Variants in TCF12 observed in about 807,000 individuals in gnomAD.
TCF12 encodes transcription factor 12.
TCF12 carries 45 observed loss-of-function variants against 86.0 expected under a neutral mutation model. The ratio of observed to expected loss-of-function variants is 0.52; its 90% CI spans 0.41 to 0.67. The LOEUF (loss-of-function observed/expected upper bound fraction) is 0.67, where lower values mean the gene tolerates loss of function less well. Ranked by LOEUF, TCF12 falls within the 30% of genes least tolerant of loss-of-function variation. The pLI is 0.00. For synonymous variants in TCF12, 330 were observed against 299.6 expected (o/e 1.10, Z -1.05); for missense variants, 881 against 859.9 (o/e 1.02, Z -0.31).
chr15:57,210,399 C>A (rs1384730682), intron 8 of TCF12, among the ~76,000 whole-genome samples: 1 of 151,584 alleles, frequency 6.6e-6, no homozygotes, highest in Non-Finnish European at 1.5e-5. Context: ...ATCTAACATG[C>A]TTAAACTTTG....
At chr15:57,019,144 G>A (rs1399389419) in intron 3 of TCF12, among the ~76,000 whole-genome samples, 1 of 152,198 alleles carries the variant, frequency 6.6e-6, no homozygotes, top group Non-Finnish European at 1.5e-5. Flanking sequence ...TAATACTTTG[G>A]TAGCCAGCAC....
intron 18 of TCF12, among the ~76,000 whole-genome samples, chr15:57,267,421 A>C (rs1440993591): frequency 6.6e-6 from 1 of 152,226 alleles, no homozygotes; most frequent in African/African-American, 2.4e-5. Context: ...CACTCTTTGG[A>C]GGCATCTTAA....
At chr15:57,034,688 G>A (rs2066397534) in intron 3 of TCF12, among the ~76,000 whole-genome samples, 1 of 152,008 alleles carries the variant, frequency 6.6e-6, no homozygotes, top group East Asian at 1.9e-4. Context: ...TTTAATAGTG[G>A]TATTGTCTCT....
chr15:56,990,151 C>CTTTTTTTTTTTTTTTT (rs372235874), intron 3 of TCF12, among the ~76,000 whole-genome samples: 9 of 92,716 alleles, frequency 9.7e-5, no homozygotes, highest in Non-Finnish European at 1.5e-4. Context: ...ATAGTCTTGT[C>CTTTTTTTTTTTTTTTT]TTTTTTTTTT....
intron 3 of TCF12, among the ~76,000 whole-genome samples, chr15:56,941,922 G>A (rs1172679305): frequency 1.3e-5 from 2 of 152,132 alleles, no homozygotes; most frequent in Admixed American, 6.5e-5. Context: ...TTAACTGAAG[G>A]CCACCTGATC....
intron 3 of TCF12, among the ~76,000 whole-genome samples, chr15:56,955,160 A>G (rs1240602760): frequency 6.6e-6 from 1 of 152,242 alleles, no homozygotes; most frequent in Non-Finnish European, 1.5e-5. Context: ...CCAGATGTCC[A>G]TCAATGATAG....
chr15:57,291,034 G>A (rs1488232436), downstream of TCF12: 1 of 152,206 alleles, frequency 6.6e-6, no homozygotes, highest in African/African-American at 2.4e-5. Context: ...TTGTCTGGAA[G>A]AATGAATCCC....
chr15:56,963,764 C>T (rs1008303339), intron 3 of TCF12, among the ~76,000 whole-genome samples: 1 of 151,852 alleles, frequency 6.6e-6, no homozygotes, highest in African/African-American at 2.4e-5. Context: ...TATTTGATAC[C>T]CTGTGTTATA....
intron 6 of TCF12, among the ~76,000 whole-genome samples, chr15:57,191,195 G>T (rs1219038973): frequency 6.6e-6 from 1 of 152,210 alleles, no homozygotes; most frequent in Non-Finnish European, 1.5e-5. Flanking sequence ...CAGCTGCAGT[G>T]GCTCACACCA....
chr15:56,990,758 G>A (rs566741947), intron 3 of TCF12, among the ~76,000 whole-genome samples: 20 of 151,274 alleles, frequency 1.3e-4, no homozygotes, highest in Admixed American at 1.1e-3. Flanking sequence ...GAACACCTAC[G>A]TTAAAATTTC....
chr15:57,160,215 C>G (rs1196349528), intron 5 of TCF12, among the ~76,000 whole-genome samples: 3 of 152,190 alleles, frequency 2.0e-5, no homozygotes, highest in African/African-American at 7.2e-5. Flanking sequence ...GTTTAATTGA[C>G]TCACAGTTCA....
intron 3 of TCF12, among the ~76,000 whole-genome samples, chr15:56,946,177 CTT>C (rs1207421406): frequency 3.3e-5 from 5 of 152,160 alleles, no homozygotes; most frequent in African/African-American, 1.2e-4. Flanking sequence ...GCTGCTCTAT[CTT>C]TAAATATTTT....
chr15:56,994,168 T>C (rs1441838578), intron 3 of TCF12, among the ~76,000 whole-genome samples: 2 of 152,030 alleles, frequency 1.3e-5, no homozygotes, highest in African/African-American at 4.8e-5. Flanking sequence ...TGAAGATAAA[T>C]CAATAGAAAT....
chr15:57,128,594 T>C (rs1160644449), intron 5 of TCF12, among the ~76,000 whole-genome samples: 1 of 152,050 alleles, frequency 6.6e-6, no homozygotes, highest in Non-Finnish European at 1.5e-5. Context: ...AATTCAAGGG[T>C]TTTTAGTATA....
intron 8 of TCF12, 66 bp downstream of exon 8, chr15:57,197,891 G>C (rs1260022906): frequency 2.5e-5 from 38 of 1,520,342 alleles, no homozygotes; most frequent in Non-Finnish European, 2.8e-5. Context: ...GTATTACCTT[G>C]CTACAAGGGT....
At chr15:57,233,162 G>GTA (rs1198000506) in intron 11 of TCF12, among the ~76,000 whole-genome samples, 1 of 150,834 alleles carries the variant, frequency 6.6e-6, no homozygotes, top group Non-Finnish European at 1.5e-5. Context: ...ATATGTGTGT[G>GTA]TATATATATG....
intron 3 of TCF12, among the ~76,000 whole-genome samples, chr15:56,988,377 G>A (rs751632495): frequency 6.6e-6 from 1 of 152,108 alleles, no homozygotes; most frequent in Non-Finnish European, 1.5e-5. Flanking sequence ...ACAGAATACT[G>A]CAGACATTTG....
At position 56,976,480 on chromosome 15, in the gene TCF12, G is replaced by A. The variant is rs113530607; in HGVS notation, c.148+55382G>A. On this transcript the variant is annotated intron_variant, in intron 3 of 20. Transcript: ENST00000333725. ...TCTCGATCTCCTGACCTCGTCATCCGCCCGCCTCGGCCTCCCAAAGTGCTG... is the reference window on the plus strand; with the variant it reads ...TCTCGATCTCCTGACCTCGTCATCCACCCGCCTCGGCCTCCCAAAGTGCTG... 8.6e-5 allele frequency among the ~76,000 whole-genome samples: 13 copies of A among 151,242 alleles called. 1 individual carries two copies. Among genetic ancestry groups the A allele is most frequent in the African/African-American group, 2.9e-4 (12 of 41,234 alleles).
rs757608848 is a variant in TCF12 at position 57,286,659 on chromosome 15, C to G, written c.*514C>G. On this transcript the variant is annotated 3_prime_UTR_variant, in exon 21 of 21. Transcript: ENST00000333725. Reference sequence around the variant, plus strand: ...GACAACCATTGGCCCTTAGCATTCCCGGCATACCTATTAGTGTCTTAAAAA... The same window carrying G: ...GACAACCATTGGCCCTTAGCATTCCGGGCATACCTATTAGTGTCTTAAAAA... 2 of 456,602 alleles carry G rather than the reference C, an allele frequency of 4.4e-6. No homozygotes were observed. Among genetic ancestry groups the G allele is most frequent in the Non-Finnish European group, 8.8e-6 (2 of 226,976 alleles). 28.3% of individuals were successfully genotyped at this position (456,602 alleles called of 1,614,324 possible).
Sources: gnomAD v4.1 joint callset for allele counts (sites outside exome capture counted in the v4.1 genomes callset) on GRCh38, gnomAD v4.1.1 for gene constraint, MANE v1.5 for transcripts, NCBI Gene and HGNC (gene_info 2026-07-23, HGNC 2026-07-21) for gene names.